The following ALK variants were observed in gnomAD, a reference collection of about 807,000 sequenced individuals.
ALK encodes the protein ALK tyrosine kinase receptor.
ALK carries 74 observed loss-of-function variants against 163.1 expected under a neutral mutation model. That is an observed-to-expected ratio of 0.45 (90% CI 0.38 to 0.55). The LOEUF (loss-of-function observed/expected upper bound fraction) is 0.55. Ranked by LOEUF, ALK falls within the 20% of genes least tolerant of loss-of-function variation. The pLI is 0.00. For synonymous variants in ALK, 960 were observed against 843.2 expected (o/e 1.14, Z -2.40); for missense variants, 2,063 against 2,105.3 (o/e 0.98, Z 0.39).
chr2:29,661,497 G>A (rs977149105), intron 3 of ALK, among the ~76,000 whole-genome samples: 3 of 152,174 alleles, frequency 2.0e-5, no homozygotes, highest in Admixed American at 6.5e-5. Context: ...GAGAGGACAC[G>A]TAAGTGTGCA....
At chr2:29,336,150 G>T (rs1002675006) in intron 5 of ALK, among the ~76,000 whole-genome samples, 2 of 152,224 alleles carry the variant, frequency 1.3e-5, no homozygotes, top group East Asian at 3.8e-4. Context: ...GGGCTGAGAT[G>T]CCTCTGTATC....
chr2:29,723,830 T>A (rs1423621088), intron 1 of ALK, among the ~76,000 whole-genome samples: 1 of 152,210 alleles, frequency 6.6e-6, no homozygotes, highest in Non-Finnish European at 1.5e-5. Flanking sequence ...AGTCTTGGTC[T>A]CTTTTCTATA....
chr2:29,705,594 T>C (rs1301968144), intron 2 of ALK, among the ~76,000 whole-genome samples: 4 of 152,028 alleles, frequency 2.6e-5, no homozygotes, highest in Non-Finnish European at 5.9e-5. Flanking sequence ...AGGGAGTAAC[T>C]GCAAGCACAG....
intron 19 of ALK, 39 bp downstream of exon 19, chr2:29,225,422 C>T (rs2148176199): frequency 6.5e-7 from 1 of 1,544,520 alleles, no homozygotes; most frequent in Admixed American, 1.8e-5. Context: ...GTCCTGCCTT[C>T]CTGCCCCCTT....
At chr2:29,881,249 G>A (rs56056907) in intron 1 of ALK, among the ~76,000 whole-genome samples, 9,633 of 152,254 alleles carry the variant, frequency 0.063, 429 homozygotes, top group East Asian at 0.14. Context: ...GCCACTAAGT[G>A]AACGCTGAAG....
chr2:29,303,471 T>C (rs572738363), intron 8 of ALK, among the ~76,000 whole-genome samples: 4 of 152,336 alleles, frequency 2.6e-5, no homozygotes, highest in Admixed American at 6.5e-5. Context: ...GAAAACAGTA[T>C]GGAGATTTCT....
At chr2:29,278,389 A>T (rs1476113887) in intron 9 of ALK, among the ~76,000 whole-genome samples, 1 of 152,156 alleles carries the variant, frequency 6.6e-6, no homozygotes, top group African/African-American at 2.4e-5. Flanking sequence ...GACCTCTTAG[A>T]GGATAATTGT....
At chr2:29,692,194 C>A (rs189617958) in intron 3 of ALK, among the ~76,000 whole-genome samples, 1 of 151,932 alleles carries the variant, frequency 6.6e-6, no homozygotes, top group Non-Finnish European at 1.5e-5. Context: ...ACCAGACAGA[C>A]AAAAAAATAC....
intron 25 of ALK, 38 bp downstream of exon 25, chr2:29,209,748 A>C (rs759054824): frequency 2.7e-6 from 4 of 1,502,004 alleles, no homozygotes; most frequent in Non-Finnish European, 3.7e-6. Flanking sequence ...CTGAGGTGGA[A>C]GAGACAGGCC....
At chr2:29,452,600 A>G (rs1035188565) in intron 4 of ALK, among the ~76,000 whole-genome samples, 1 of 152,224 alleles carries the variant, frequency 6.6e-6, no homozygotes, top group Non-Finnish European at 1.5e-5. Flanking sequence ...GATGAGAAAC[A>G]GGATATTTAT....
intron 2 of ALK, 139 bp downstream of exon 2, chr2:29,717,439 G>A (rs186805970): frequency 5.9e-6 from 6 of 1,013,250 alleles, no homozygotes; most frequent in Middle Eastern, 3.0e-4. Context: ...GGGAGACAGA[G>A]GGCTCAGAAA....
At chr2:29,903,249 C>A (rs1211137393) in intron 1 of ALK, among the ~76,000 whole-genome samples, 1 of 152,128 alleles carries the variant, frequency 6.6e-6, no homozygotes, top group African/African-American at 2.4e-5. Context: ...AGTCAGTGAA[C>A]CATTAAGAAT....
intron 3 of ALK, among the ~76,000 whole-genome samples, chr2:29,600,966 A>G (rs1019811740): frequency 6.6e-6 from 1 of 152,224 alleles, no homozygotes; most frequent in African/African-American, 2.4e-5. Flanking sequence ...AAAGGTGAGG[A>G]CTGCTGGGTC....
intron 3 of ALK, among the ~76,000 whole-genome samples, chr2:29,638,227 A>G (rs1411524996): frequency 1.3e-5 from 2 of 152,220 alleles, no homozygotes; most frequent in Non-Finnish European, 2.9e-5. Context: ...GACCTGCAAT[A>G]TAGAAAGGTA....
chr2:29,830,187 G>A (rs1316807922), intron 1 of ALK, among the ~76,000 whole-genome samples: 2 of 152,204 alleles, frequency 1.3e-5, no homozygotes, highest in Non-Finnish European at 2.9e-5. Context: ...TTTCAACTCT[G>A]TGAACAAATA....
At chr2:29,804,431 A>G (rs1664558749) in intron 1 of ALK, among the ~76,000 whole-genome samples, 1 of 152,218 alleles carries the variant, frequency 6.6e-6, no homozygotes, top group Non-Finnish European at 1.5e-5. Context: ...TTGGGTCACA[A>G]CGGACTTTCA....
At chr2:29,531,210 G>A (rs1463754822) in intron 4 of ALK, among the ~76,000 whole-genome samples, 2 of 152,192 alleles carry the variant, frequency 1.3e-5, no homozygotes, top group African/African-American at 4.8e-5. Flanking sequence ...AATCAGATCT[G>A]GGGTCCCTCA....
chr2:29,537,449 A>G (rs964704816), intron 3 of ALK, among the ~76,000 whole-genome samples: 1 of 152,228 alleles, frequency 6.6e-6, no homozygotes. Context: ...CCATGCTTCC[A>G]TGTGGTATTC....
intron 1 of ALK, among the ~76,000 whole-genome samples, chr2:29,747,523 G>A (rs952455842): frequency 4.6e-5 from 7 of 152,212 alleles, no homozygotes; most frequent in Non-Finnish European, 1.0e-4. Context: ...AGGGGCTGAT[G>A]TCTCTGTCTC....
Sources: allele counts gnomAD v4.1 joint callset (sites outside exome capture counted in the v4.1 genomes callset), GRCh38; gene constraint gnomAD v4.1.1; transcripts MANE v1.5; gene names NCBI Gene and HGNC (gene_info 2026-07-23, HGNC 2026-07-21).